The following PARPBP variants were observed in gnomAD, a reference collection of about 807,000 sequenced individuals.
PARPBP encodes PARP1 binding protein.
A neutral mutation model predicts 50.0 loss-of-function variants in PARPBP; 52 were observed. That is an observed-to-expected ratio of 1.04 (90% confidence interval 0.83 to 1.31). The LOEUF is 1.31. PARPBP is among the 50% of genes most tolerant of loss of function. PARPBP has a pLI of 0.00. For synonymous variants in PARPBP, 244 were observed against 232.1 expected, an observed-to-expected ratio of 1.05 and a Z score of -0.47; for missense variants, 697 against 672.0, an observed-to-expected ratio of 1.04 and a Z score of -0.41.
chr12:102,192,707 C>G (rs1454107624), intron 9 of PARPBP, among the ~76,000 whole-genome samples: 5 of 151,800 alleles, frequency 3.3e-5, no homozygotes, highest in African/African-American at 1.2e-4. Context: ...ATTCTGTTAT[C>G]CAGTTTATTT....
intron 3 of PARPBP, chr12:102,148,676 T>G (rs1206265119): frequency 4.9e-6 from 2 of 406,904 alleles, no homozygotes; most frequent in African/African-American, 4.1e-5. Flanking sequence ...TGTTATTTAG[T>G]TGCTATACGG....
intron 10 of PARPBP, among the ~76,000 whole-genome samples, 176 bp downstream of exon 10, chr12:102,195,623 A>G (rs1254480629): frequency 6.6e-6 from 1 of 151,768 alleles, no homozygotes; most frequent in Non-Finnish European, 1.5e-5. Flanking sequence ...ATCGATAGGA[A>G]TAGGACACAG....
intron 2 of PARPBP, among the ~76,000 whole-genome samples, chr12:102,144,015 G>A (rs551020220): frequency 1.3e-5 from 2 of 152,272 alleles, no homozygotes; most frequent in East Asian, 3.9e-4. Context: ...AATAGGAGAA[G>A]AGAAAGGAAA....
chr12:102,195,383 T>C lies in PARPBP; in HGVS notation c.1335T>C (p.Asn445=), dbSNP rs1246926226. 1 of 1,591,878 alleles carries C rather than the reference T, an allele frequency of 6.3e-7. No individual in the cohort carries two copies. Among genetic ancestry groups the C allele is most frequent in the Non-Finnish European group, 8.6e-7 (1 of 1,164,630 alleles). Residue 445 remains asparagine (N), a synonymous_variant, in exon 10 of 11, where the codon AAT becomes AAC. Coordinates refer to ENST00000327680, the MANE Select transcript of PARPBP (RefSeq NM_017915.5). The part of the protein sequence containing the change: ...YKDDYMISKD[N]WNNVNLASKP... ...ATGACTACATGATAAGCAAGGATAA[T>C]TGGAATAATGTTAATTTAGCATCAA...
At chr12:102,121,253 T>C (rs1049829631) in intron 1 of PARPBP, among the ~76,000 whole-genome samples, 2 of 152,196 alleles carry the variant, frequency 1.3e-5, no homozygotes, top group African/African-American at 4.8e-5. Flanking sequence ...AGCCAGCTCC[T>C]GAGCTAAGAA....
chr12:102,131,302 G>A (rs1472295429), intron 2 of PARPBP, among the ~76,000 whole-genome samples: 1 of 152,242 alleles, frequency 6.6e-6, no homozygotes, highest in Non-Finnish European at 1.5e-5. Flanking sequence ...TCCAGCCTGT[G>A]TGATGGAGCG....
chr12:102,175,839 C>T (rs1889218308), intron 7 of PARPBP, among the ~76,000 whole-genome samples, 173 bp downstream of exon 7: 2 of 152,054 alleles, frequency 1.3e-5, no homozygotes, highest in Non-Finnish European at 2.9e-5. Context: ...ACATGTTCAA[C>T]TTGGGTAAAT....
chr12:102,123,464 G>T (rs1476617559), intron 1 of PARPBP, among the ~76,000 whole-genome samples: 1 of 150,840 alleles, frequency 6.6e-6, no homozygotes, highest in Non-Finnish European at 1.5e-5. Flanking sequence ...CCTCTTTTGG[G>T]ACAACGTAGG....
At chr12:102,168,648 G>A (rs1565889379) in intron 6 of PARPBP, among the ~76,000 whole-genome samples, 1 of 152,174 alleles carries the variant, frequency 6.6e-6, no homozygotes, top group Non-Finnish European at 1.5e-5. Flanking sequence ...CCTGGTTTCT[G>A]GGAGCCAGGG....
intron 9 of PARPBP, among the ~76,000 whole-genome samples, chr12:102,189,273 C>A (rs1398722068): frequency 2.0e-5 from 3 of 152,180 alleles, no homozygotes; most frequent in African/African-American, 7.2e-5. Context: ...CAAAATGTCC[C>A]ATAGTCCTTT....
intron 4 of PARPBP, among the ~76,000 whole-genome samples, chr12:102,159,068 C>A (rs1347888526): frequency 1.3e-5 from 2 of 152,158 alleles, no homozygotes; most frequent in African/African-American, 4.8e-5. Context: ...TCTTCCTAAC[C>A]ATGCTTCTGT....
chr12:102,182,933 G>C (rs991747648), intron 9 of PARPBP, among the ~76,000 whole-genome samples: 1 of 152,096 alleles, frequency 6.6e-6, no homozygotes. Flanking sequence ...AGAAGATAAG[G>C]CTTTCTCATT....
rs573396513 is a variant in PARPBP, at chr12:102,133,590, A to G, written c.153+9549A>G. Among the ~76,000 whole-genome samples, 61 of 151,828 alleles carry G rather than the reference A, an allele frequency of 4.0e-4. No homozygotes were observed. In the South Asian group the frequency reaches 5.6e-3, roughly 14 times the overall value. ...GTGTTCATTATGGATATTGTCCTCT[A>G]ATTTTTTTTTTCTTGTAGTGTCCTA... On this transcript the variant is annotated intron_variant, in intron 2 of 10. Coordinates refer to ENST00000327680, the MANE Select transcript of PARPBP (RefSeq NM_017915.5).
At chr12:102,161,591 A>G (rs930075959) in intron 4 of PARPBP, among the ~76,000 whole-genome samples, 1 of 152,154 alleles carries the variant, frequency 6.6e-6, no homozygotes, top group African/African-American at 2.4e-5. Flanking sequence ...ATTTGCTCTC[A>G]TGGAACTCAC....
At position 102,150,139 on chromosome 12, in the gene PARPBP, A is replaced by G. The variant is rs760647720; in HGVS notation, c.387+1676A>G. On this transcript the variant is annotated intron_variant, in intron 3 of 10. Transcript: ENST00000327680. The stretch of plus-strand genomic sequence containing the variant: ...TGTCTCTGTGGGATACTCTCTCCAA[A>G]TGTCATCGTGTCATCAGGAGTAAAA... 1.4e-5 allele frequency: 6 copies of G among 424,814 alleles called. No individual in the cohort carries two copies. In the Admixed American group the frequency reaches 1.6e-4, roughly 11 times the overall value. The allele number at this position is 424,814 out of a possible 1,614,324, so 26.3% of individuals were successfully genotyped here.
chr12:102,135,455 G>T (rs1007845487), intron 2 of PARPBP, among the ~76,000 whole-genome samples: 10 of 144,514 alleles, frequency 6.9e-5, no homozygotes, highest in African/African-American at 2.6e-4. Flanking sequence ...TGAGGCAGGA[G>T]AATGGTGTGA....
chr12:102,171,028 T>G (rs1888663311), intron 6 of PARPBP, among the ~76,000 whole-genome samples: 1 of 151,688 alleles, frequency 6.6e-6, no homozygotes, highest in Non-Finnish European at 1.5e-5. Context: ...CCTCCACATC[T>G]TGTCCCACTG....
rs544956957 is a variant in PARPBP at position 102,178,691 on chromosome 12, A to T, written c.1105A>T (p.Thr369Ser). The T allele has an allele frequency of 6.2e-7, 1 of 1,613,594 alleles. No homozygotes were observed. The highest frequency in any genetic ancestry group is 8.5e-7 in the Non-Finnish European group (1 of 1,179,624). Residue 369 changes from threonine to serine, a missense_variant, in exon 8 of 11, where the codon ACC (threonine) becomes TCC (serine). Transcript: ENST00000327680. Reference sequence around the variant, plus strand: ...GGACGAAGAAGCAGCTAATGCTCCTACCAAAAACAAAGCAGAGCTTTTATA... The same window carrying T: ...GGACGAAGAAGCAGCTAATGCTCCTTCCAAAAACAAAGCAGAGCTTTTATA... ...LLDEEAANAPTKNKAELLYDE... is the reference protein window; with the variant it reads ...LLDEEAANAPSKNKAELLYDE...
chr12:102,197,141 G>A lies in PARPBP; in HGVS notation c.*850G>A, dbSNP rs759129055. 7.8e-5 allele frequency: 126 copies of A among 1,611,756 alleles called. No individual in the cohort carries two copies. The highest frequency in any genetic ancestry group is 1.0e-4 in the Non-Finnish European group (122 of 1,178,408). On this transcript the variant is annotated 3_prime_UTR_variant, in exon 11 of 11. Coordinates refer to ENST00000327680, the MANE Select transcript of PARPBP (RefSeq NM_017915.5). ...ATAGCCAGATTCAGTGGCAGACCAT[G>A]ATTTAAGAAATTATGTTTGGAGCCT... is the stretch of plus-strand genomic sequence containing the variant.
Sources: allele counts gnomAD v4.1 joint callset (sites outside exome capture counted in the v4.1 genomes callset), GRCh38; gene constraint gnomAD v4.1.1; transcripts MANE v1.5; gene names NCBI Gene and HGNC (gene_info 2026-07-23, HGNC 2026-07-21).